MARVELD2: variants seen among roughly 807,000 people sequenced by gnomAD.
MARVELD2 encodes MARVEL domain-containing protein 2.
A neutral mutation model predicts 57.6 loss-of-function variants in MARVELD2; 49 were observed. The ratio of observed to expected loss-of-function variants is 0.85; its 90% CI spans 0.68 to 1.08. MARVELD2 has a LOEUF of 1.08. MARVELD2 is among the 50% of genes least tolerant of loss of function. The pLI is 0.00. For missense variants in MARVELD2, 606 were observed against 701.1 expected (o/e 0.86, Z 1.53); for synonymous variants, 238 against 258.8 (o/e 0.92, Z 0.77).
intron 1 of MARVELD2, 153 bp downstream of exon 1, chr5:69,415,323 C>T (rs1038781687): frequency 6.6e-6 from 1 of 152,188 alleles, no homozygotes; most frequent in Non-Finnish European, 1.5e-5. Context: ...GGGAGGCCCG[C>T]GTCCCGCCAG....
intron 2 of MARVELD2, among the ~76,000 whole-genome samples, chr5:69,421,979 G>A (rs1284266131): frequency 2.0e-5 from 3 of 152,050 alleles, no homozygotes; most frequent in Non-Finnish European, 4.4e-5. Flanking sequence ...TCTTATGCCT[G>A]TCTTTACTGC....
rs976533280 is a variant in MARVELD2, at chr5:69,444,210, T to G, written c.*2556T>G. On this transcript the variant is annotated 3_prime_UTR_variant, in exon 7 of 7. Transcript: ENST00000325631. ...TAGGTGCATTAAAGTTTCAGTCACC[T>G]GCCGTGTGTGTGTGTGCCCTTTTAT... 6.6e-6 allele frequency: 1 copy of G among 152,120 alleles called. No individual in the cohort carries two copies. The highest frequency in any genetic ancestry group is 2.4e-5 in the African/African-American group (1 of 41,434). 9.4% of individuals were successfully genotyped at this position (152,120 alleles called of 1,614,324 possible). A position where few individuals can be genotyped will look rare whatever the true frequency, so the allele number is the denominator to read the frequency against.
chr5:69,432,431 C>G (rs1415979328), intron 3 of MARVELD2, 96 bp from the exon 4 acceptor site: 12 of 1,370,830 alleles, frequency 8.8e-6, no homozygotes, highest in Non-Finnish European at 1.2e-5. Flanking sequence ...TTGAGCCACC[C>G]CACCTGATCT....
At chr5:69,435,752 C>CA (rs35281029) in intron 5 of MARVELD2, among the ~76,000 whole-genome samples, 25,490 of 64,812 alleles carry the variant, frequency 0.39, 5,845 homozygotes, top group Non-Finnish European at 0.48. Context: ...GACCCTGTCT[C>CA]AAAAAAAAAA....
intron 3 of MARVELD2, among the ~76,000 whole-genome samples, chr5:69,430,565 G>A (rs1315609269): frequency 2.0e-5 from 3 of 151,440 alleles, no homozygotes; most frequent in African/African-American, 4.8e-5. Context: ...ACGGCGTCTC[G>A]CTCTGTCACC....
rs373119012 is a variant in MARVELD2 at position 69,420,074 on chromosome 5, C to T, written c.689C>T (p.Pro230Leu). 5.0e-6 allele frequency: 8 copies of T among 1,613,930 alleles called. No homozygotes were observed. The highest frequency in any genetic ancestry group is 4.0e-5 in the African/African-American group (3 of 74,854). The change falls in exon 2 of 7, where the codon CCG becomes CTG. Residue 230 changes from proline to leucine, a missense_variant. Coordinates refer to ENST00000325631, the MANE Select transcript of MARVELD2 (RefSeq NM_001038603.3). Reference sequence around the variant, plus strand: ...TACAACTTGTTTGGATATTCACAACCGTATGGCATGGGAGGCGTTGGTGGA... The same window carrying T: ...TACAACTTGTTTGGATATTCACAACTGTATGGCATGGGAGGCGTTGGTGGA... ...EWYNLFGYSQ[P>L]YGMGGVGGLG...
At chr5:69,423,020 C>G (rs1468402059) in intron 2 of MARVELD2, among the ~76,000 whole-genome samples, 1 of 152,200 alleles carries the variant, frequency 6.6e-6, no homozygotes, top group Non-Finnish European at 1.5e-5. Flanking sequence ...GCCTCAGCCC[C>G]CCTAGTAGCT....
rs752573907 is a variant in MARVELD2 at position 69,419,768 on chromosome 5, C to T, written c.383C>T (p.Ser128Leu). 3.7e-6 allele frequency: 6 copies of T among 1,614,124 alleles called. No homozygotes were observed. The South Asian group carries it at 6.6e-5, about 18-fold the overall frequency. The change falls in exon 2 of 7, where the codon TCG becomes TTG. Residue 128 changes from serine to leucine, a missense_variant. Physicochemically the swap from Ser to Leu is moderately radical, Grantham distance 145. Transcript: ENST00000325631. ...PASPARPNHR[S>L]PLNSCKDPYG... The stretch of plus-strand genomic sequence containing the variant: ...TCTCCAGCAAGACCAAACCACCGTT[C>T]GCCCCTCAACTCCTGCAAAGATCCC...
At chr5:69,422,964 C>T (rs1393984845) in intron 2 of MARVELD2, among the ~76,000 whole-genome samples, 1 of 152,218 alleles carries the variant, frequency 6.6e-6, no homozygotes, top group Non-Finnish European at 1.5e-5. Context: ...GTGGCACAAT[C>T]TCTGCTCACT....
At chr5:69,435,051 C>G (rs1328858112) in intron 5 of MARVELD2, among the ~76,000 whole-genome samples, 1 of 127,998 alleles carries the variant, frequency 7.8e-6, no homozygotes, top group Non-Finnish European at 1.6e-5. Flanking sequence ...GAGATGGAGT[C>G]TTGCTCTGTC....
intron 1 of MARVELD2, among the ~76,000 whole-genome samples, chr5:69,418,001 A>G (rs1766482995): frequency 6.6e-6 from 1 of 151,654 alleles, no homozygotes; most frequent in Non-Finnish European, 1.5e-5. Flanking sequence ...CCAGCTACTC[A>G]GGAGGCTGAG....
chr5:69,440,503 G>A lies in MARVELD2; in HGVS notation c.1554+3G>A. 2 of 1,422,090 alleles carry A rather than the reference G, an allele frequency of 1.4e-6. No individual in the cohort carries two copies. Among genetic ancestry groups the A allele is most frequent in the Non-Finnish European group, 2.0e-6 (2 of 1,009,420 alleles). The allele number at this position is 1,422,090 out of a possible 1,614,324, so 88.1% of individuals were successfully genotyped here. On this transcript the variant is annotated splice_donor_region_variant and intron_variant, in intron 6 of 6. Coordinates refer to ENST00000325631, the MANE Select transcript of MARVELD2 (RefSeq NM_001038603.3). ...AAGAGTTTAAGAAAAAAAAGAATGT[G>A]AGTAAAACAGTTTTCTTCAAACTGT... is the stretch of plus-strand genomic sequence containing the variant.
chr5:69,436,204 C>A (rs1371403857), intron 5 of MARVELD2, among the ~76,000 whole-genome samples: 1 of 151,886 alleles, frequency 6.6e-6, no homozygotes, highest in Non-Finnish European at 1.5e-5. Context: ...TTTGTAAAAA[C>A]TAAATGTCGG....
chr5:69,430,737 T>C (rs1378405098), intron 3 of MARVELD2, among the ~76,000 whole-genome samples: 1 of 151,672 alleles, frequency 6.6e-6, no homozygotes. Context: ...TTTCACCATG[T>C]TGGCCAGGCT....
At chr5:69,436,369 CA>C (rs1431943692) in intron 5 of MARVELD2, among the ~76,000 whole-genome samples, 1 of 139,588 alleles carries the variant, frequency 7.2e-6, no homozygotes, top group Non-Finnish European at 1.5e-5. Flanking sequence ...AAAAAACAAA[CA>C]AAAAAAACTA....
chr5:69,422,816 C>G (rs1208707439), intron 2 of MARVELD2, among the ~76,000 whole-genome samples: 1 of 152,140 alleles, frequency 6.6e-6, no homozygotes, highest in African/African-American at 2.4e-5. Context: ...CCCTGCACAC[C>G]CAGCTTTAAA....
rs919200588 is a variant in MARVELD2 at position 69,419,032 on chromosome 5, G to T, written c.-15-339G>T. On this transcript the variant is annotated intron_variant, in intron 1 of 6. Transcript: ENST00000325631. Reference sequence around the variant, plus strand: ...AACCTCTGCCTCCCGGGTTCAAGCGGTCTATACCTCAGCCACCTGAGTAGC... The same window carrying T: ...AACCTCTGCCTCCCGGGTTCAAGCGTTCTATACCTCAGCCACCTGAGTAGC... 3 of 353,594 alleles carry T rather than the reference G, an allele frequency of 8.5e-6. No individual in the cohort carries two copies. In the Admixed American group the frequency reaches 1.2e-4, roughly 14 times the overall value. The allele number at this position is 353,594 out of a possible 1,614,324, so 21.9% of individuals were successfully genotyped here. A position where few individuals can be genotyped will look rare whatever the true frequency, so the allele number is the denominator to read the frequency against.
Position 69,419,727 on chromosome 5 carries a change from G to A in MARVELD2, c.342G>A (p.Glu114=). The change falls in exon 2 of 7, where the codon GAG becomes GAA. Residue 114 remains glutamate (E), a synonymous_variant. Transcript: ENST00000325631. ...TCAGGTACATCTCCGATGGAGTGGA[G>A]TGTTCACCACCAGCCTCTCCAGCAA... ...SDIRYISDGV[E]CSPPASPARP... 1 of 1,614,144 alleles carries A rather than the reference G, an allele frequency of 6.2e-7. No individual in the cohort carries two copies. Among genetic ancestry groups the A allele is most frequent in the Non-Finnish European group, 8.5e-7 (1 of 1,180,036 alleles).
At chr5:69,427,542 C>T (rs1766828165) in intron 3 of MARVELD2, among the ~76,000 whole-genome samples, 1 of 152,046 alleles carries the variant, frequency 6.6e-6, no homozygotes, top group Non-Finnish European at 1.5e-5. Context: ...TCCCTTAGTT[C>T]TCTCTATTTC....
Sources: allele counts gnomAD v4.1 joint callset (sites outside exome capture counted in the v4.1 genomes callset), GRCh38; gene constraint gnomAD v4.1.1; transcripts MANE v1.5; gene names NCBI Gene and HGNC (gene_info 2026-07-23, HGNC 2026-07-21).